KDM5B: variants seen among roughly 807,000 people sequenced by gnomAD.
The protein encoded by KDM5B is lysine demethylase 5B, also known as lysine-specific demethylase 5B.
A neutral mutation model predicts 193.4 loss-of-function variants in KDM5B; 144 were observed. The ratio of observed to expected loss-of-function variants is 0.74; its 90% confidence interval spans 0.65 to 0.86. The LOEUF (loss-of-function observed/expected upper bound fraction) is 0.86. Among genes scored for constraint, KDM5B ranks in the 40% least tolerant of loss-of-function variants. KDM5B has a pLI of 0.00. For missense variants in KDM5B, 1,833 were observed against 1,886.9 expected (o/e 0.97, Z 0.53); for synonymous variants, 668 against 682.6 (o/e 0.98, Z 0.33).
chr1:202,773,365 A>T (rs1379713624), intron 3 of KDM5B, 77 bp from the exon 4 acceptor site: 2 of 1,254,502 alleles, frequency 1.6e-6, no homozygotes, highest in Non-Finnish European at 2.3e-6. Context: ...CCAAGGGGAA[A>T]ATGTTCTTGG....
intron 11 of KDM5B, among the ~76,000 whole-genome samples, chr1:202,754,059 T>C (rs1199200125): frequency 6.6e-6 from 1 of 152,236 alleles, no homozygotes; most frequent in African/African-American, 2.4e-5. Context: ...GTAAGGCAAC[T>C]TTCCATTTTT....
chr1:202,780,912 T>C (rs144020249), intron 1 of KDM5B, among the ~76,000 whole-genome samples: 48 of 152,292 alleles, frequency 3.2e-4, no homozygotes, highest in Non-Finnish European at 5.4e-4. Context: ...TGTTGAATTT[T>C]ACATATGCAG....
At chr1:202,767,455 C>T in intron 4 of KDM5B, 1 of 1,190,914 alleles carries the variant, frequency 8.4e-7, no homozygotes, top group Non-Finnish European at 1.2e-6. Flanking sequence ...GGTGCAGAGA[C>T]CGAGGAAGGA....
intron 4 of KDM5B, among the ~76,000 whole-genome samples, chr1:202,770,968 A>G (rs1656687976): frequency 1.3e-5 from 2 of 152,332 alleles, no homozygotes; most frequent in East Asian, 1.9e-4. Flanking sequence ...CCTTGATTGT[A>G]TAAATACTTA....
chr1:202,769,051 T>C (rs943942679), intron 4 of KDM5B, among the ~76,000 whole-genome samples: 2 of 148,314 alleles, frequency 1.3e-5, no homozygotes, highest in Non-Finnish European at 3.0e-5. Context: ...TTTTTTTTTT[T>C]TTTGAGACAG....
intron 13 of KDM5B, among the ~76,000 whole-genome samples, chr1:202,750,281 A>G (rs1293051497): frequency 1.3e-5 from 2 of 152,036 alleles, no homozygotes; most frequent in South Asian, 4.1e-4. Context: ...TCCATGTGAC[A>G]TTTATTTATT....
At chr1:202,755,214 G>C (rs1055027470) in intron 11 of KDM5B, 57 bp downstream of exon 11, 1 of 1,394,128 alleles carries the variant, frequency 7.2e-7, no homozygotes, top group Non-Finnish European at 1.0e-6. Flanking sequence ...CACTGAAAAG[G>C]AAAGTTTTCC....
At chr1:202,753,250 C>G (rs1010365933) in intron 11 of KDM5B, among the ~76,000 whole-genome samples, 183 bp from the exon 12 acceptor site, 1 of 152,182 alleles carries the variant, frequency 6.6e-6, no homozygotes, top group Admixed American at 6.5e-5. Context: ...GTAATCCCAG[C>G]ACTTTGGGAG....
Position 202,758,389 on chromosome 1 carries a change from ACATGGACTGG to A in KDM5B, c.1189_1197+1del. 1 of 1,609,816 alleles carries A rather than the reference ACATGGACTGG, an allele frequency of 6.2e-7. No individual in the cohort carries two copies. The highest frequency in any genetic ancestry group is 8.5e-7 in the Non-Finnish European group (1 of 1,176,966). Reference sequence around the variant, plus strand: ...AAATCAAAGCAGTATATATGTACATACATGGACTGGCATGTTGAAGTAATCAGATTTGAAC... The same window carrying A: ...AAATCAAAGCAGTATATATGTACATACATGTTGAAGTAATCAGATTTGAAC... On this transcript the variant is annotated splice_donor_variant and coding_sequence_variant, in exon 9 of 27. Coordinates refer to ENST00000367265, the MANE Select transcript of KDM5B (RefSeq NM_006618.5). LOFTEE classifies it high-confidence loss of function.
At chr1:202,787,892 CA>C (rs35173977) in intron 1 of KDM5B, among the ~76,000 whole-genome samples, 27,363 of 130,332 alleles carry the variant, frequency 0.21, 2,741 homozygotes, top group Middle Eastern at 0.31. Context: ...GACTCTGTCT[CA>C]AAAAAAAAAA....
Position 202,730,932 on chromosome 1 carries a change from G to C in KDM5B, c.4153C>G (p.Pro1385Ala), listed in dbSNP as rs746345979. The C allele has an allele frequency of 1.2e-6, 2 of 1,609,200 alleles. No homozygotes were observed. The highest frequency in any genetic ancestry group is 1.7e-6 in the Non-Finnish European group (2 of 1,176,750). Residue 1385 changes from proline (P) to alanine (A), a missense_variant, in exon 25 of 27, where the codon CCA (proline) becomes GCA (alanine). Physicochemically the swap from Pro to Ala is conservative, Grantham distance 27. Coordinates refer to ENST00000367265, the MANE Select transcript of KDM5B (RefSeq NM_006618.5). The stretch of plus-strand genomic sequence containing the variant: ...ACCTTCTCACTGCTGGGTCTCACTG[G>C]TGAGCTTCGGTCAGTCTGCTGAGCA... ...SPAQQTDRSS[P>A]VRPSSEKNDC...
At position 202,735,420 on chromosome 1, in the gene KDM5B, C is replaced by G; in HGVS notation, c.3423+9G>C. On this transcript the variant is annotated intron_variant, in intron 22 of 26. Coordinates refer to ENST00000367265, the MANE Select transcript of KDM5B (RefSeq NM_006618.5). ...AACATAGAAAGGAGAAGAAAAAAACCCTACATACAGCTGAAGCAGTCTCCT... is the reference window on the plus strand; with the variant it reads ...AACATAGAAAGGAGAAGAAAAAAACGCTACATACAGCTGAAGCAGTCTCCT... The G allele has an allele frequency of 1.2e-6, 2 of 1,608,176 alleles. No individual in the cohort carries two copies. Among genetic ancestry groups the G allele is most frequent in the Non-Finnish European group, 1.7e-6 (2 of 1,177,760 alleles).
chr1:202,806,923 G>A (rs1055099925), intron 1 of KDM5B: 2 of 152,188 alleles, frequency 1.3e-5, no homozygotes, highest in African/African-American at 4.8e-5. Context: ...AGGCCAACTC[G>A]GACTCAGACC....
chr1:202,771,031 G>A (rs760736221), intron 4 of KDM5B, among the ~76,000 whole-genome samples: 3 of 152,034 alleles, frequency 2.0e-5, no homozygotes, highest in Non-Finnish European at 2.9e-5. Context: ...TAAGTGACAT[G>A]TTTCTAAAAT....
rs373063545 is a variant in KDM5B at position 202,808,393 on chromosome 1, G to A, written c.-88C>T. On this transcript the variant is annotated 5_prime_UTR_variant, in exon 1 of 27. Coordinates refer to ENST00000367265, the MANE Select transcript of KDM5B (RefSeq NM_006618.5). ...TCGGTCCGAGACCCGTGCAGACGCG[G>A]CTCGAGCAACAGCAAGTCCGAGTTG... 9.7e-4 allele frequency: 1,229 copies of A among 1,265,236 alleles called. 11 individuals carry two copies. The East Asian group carries it at 0.016, about 16-fold the overall frequency. The allele number at this position is 1,265,236 out of a possible 1,614,324, so 78.4% of individuals were successfully genotyped here.
At position 202,779,714 on chromosome 1, in the gene KDM5B, A is replaced by T. The variant is rs143107422; in HGVS notation, c.205-2620T>A. On this transcript the variant is annotated intron_variant, in intron 1 of 26. Transcript: ENST00000367265. ...GCTACTCAGGAGTCTGAGGCAGGAG[A>T]ATCACTTGAACCCAGGAGGTGGAGG... Among the ~76,000 whole-genome samples, 1,173 of 151,876 alleles carry T rather than the reference A, an allele frequency of 7.7e-3. 18 individuals are homozygous for T. Among genetic ancestry groups the T allele is most frequent in the African/African-American group, 0.027 (1,108 of 41,408 alleles).
chr1:202,791,144 G>A (rs866752573), intron 1 of KDM5B, among the ~76,000 whole-genome samples: 2 of 152,130 alleles, frequency 1.3e-5, no homozygotes, highest in Non-Finnish European at 1.5e-5. Context: ...CTGTAGTAGC[G>A]CTGGTATTAT....
Position 202,807,969 on chromosome 1 carries a change from G to A in KDM5B, c.204+133C>T, listed in dbSNP as rs374920756. 621 of 876,020 alleles carry A rather than the reference G, an allele frequency of 7.1e-4. 4 individuals carry two copies. In the African/African-American group the frequency reaches 9.6e-3, roughly 14 times the overall value. The allele number at this position is 876,020 out of a possible 1,614,324, so 54.3% of individuals were successfully genotyped here. On this transcript the variant is annotated intron_variant, in intron 1 of 26. Transcript: ENST00000367265. ...CCCCGGCCTCAACTCCGACCTTCTA[G>A]GCAGCCCCAAACTTGACGAGGCCGG...
intron 1 of KDM5B, among the ~76,000 whole-genome samples, chr1:202,792,241 T>C (rs1203102488): frequency 6.6e-6 from 1 of 150,832 alleles, no homozygotes; most frequent in Non-Finnish European, 1.5e-5. Context: ...TTTTGGTGTT[T>C]AGATTTTTTT....
Sources: allele counts gnomAD v4.1 joint callset (sites outside exome capture counted in the v4.1 genomes callset), GRCh38; gene constraint gnomAD v4.1.1; transcripts MANE v1.5; gene names NCBI Gene and HGNC (gene_info 2026-07-23, HGNC 2026-07-21).